The following SLC27A1 variants were observed in gnomAD, a reference collection of about 807,000 sequenced individuals.
SLC27A1 encodes the protein solute carrier family 27 member 1.
SLC27A1 carries 61 observed loss-of-function variants against 62.2 expected under a neutral mutation model. The observed-to-expected ratio is 0.98, with a 90% CI of 0.80 to 1.21. The LOEUF (loss-of-function observed/expected upper bound fraction) is 1.21, where lower values mean the gene tolerates loss of function less well. Ranked by LOEUF, SLC27A1 falls within the 50% of genes most tolerant of loss-of-function variation. The pLI is 0.00. For missense variants in SLC27A1, 903 were observed against 932.1 expected (o/e 0.97, Z 0.41); for synonymous variants, 435 against 408.6 (o/e 1.06, Z -0.78).
In SLC27A1 at chr19:17,497,314, G is replaced by A. The variant is rs760290176; in HGVS notation, c.1056G>A (p.Ala352=). 7 of 1,606,522 alleles carry A rather than the reference G, an allele frequency of 4.4e-6. No homozygotes were observed. The highest frequency in any genetic ancestry group is 5.1e-6 in the Non-Finnish European group (6 of 1,177,730). ...RYLLKQPVRE[A]ERRHRVRLAV... Reference sequence around the variant, plus strand: ...TGCTGAAGCAGCCGGTGCGCGAGGCGGAGAGGCGACACCGCGTGCGCCTGG... The same window carrying A: ...TGCTGAAGCAGCCGGTGCGCGAGGCAGAGAGGCGACACCGCGTGCGCCTGG... The change falls in exon 7 of 12, where the codon GCG becomes GCA. Residue 352 remains alanine (A), a synonymous_variant. Transcript: ENST00000252595.
intron 2 of SLC27A1, 81 bp downstream of exon 2, chr19:17,487,038 C>T (rs753470748): frequency 6.5e-7 from 1 of 1,543,214 alleles, no homozygotes; most frequent in South Asian, 1.2e-5. Context: ...CGCCCCAGGC[C>T]TCGGAAGGCG....
At chr19:17,478,613 T>C (rs192127786) in intron 1 of SLC27A1, among the ~76,000 whole-genome samples, 9 of 151,916 alleles carry the variant, frequency 5.9e-5, no homozygotes, top group African/African-American at 1.9e-4. Flanking sequence ...ATCCCAGCAC[T>C]TTGGGAGTCT....
At position 17,500,480 on chromosome 19, in the gene SLC27A1, T is replaced by C. The variant is rs2075398178; in HGVS notation, c.1334-15T>C. 5 of 1,613,366 alleles carry C rather than the reference T, an allele frequency of 3.1e-6. No homozygotes were observed. In the South Asian group the frequency reaches 4.4e-5, roughly 14 times the overall value. On this transcript the variant is annotated splice_polypyrimidine_tract_variant and intron_variant, in intron 8 of 11. Transcript: ENST00000252595. ...CTGCCTGCCTAGCGCAGCCTGAACA[T>C]GGCCTTCTCCCTAGGGGAGCCTGGC...
intron 1 of SLC27A1, among the ~76,000 whole-genome samples, chr19:17,473,325 C>T (rs1177755484): frequency 6.6e-6 from 1 of 152,180 alleles, no homozygotes; most frequent in Non-Finnish European, 1.5e-5. Context: ...GAGATTTCAC[C>T]CCTTCCTCCT....
chr19:17,488,653 T>C, intron 4 of SLC27A1, 195 bp from the exon 5 acceptor site: 1 of 617,184 alleles, frequency 1.6e-6, no homozygotes, highest in East Asian at 2.8e-5. Flanking sequence ...CTATGCCCCT[T>C]GACCCTATTA....
At chr19:17,482,607 C>T (rs370054978) in intron 1 of SLC27A1, among the ~76,000 whole-genome samples, 11 of 143,320 alleles carry the variant, frequency 7.7e-5, no homozygotes, top group African/African-American at 1.3e-4. Context: ...GCCGAGATAG[C>T]ACCACTGCAC....
At chr19:17,481,472 AC>A (rs558927774) in intron 1 of SLC27A1, among the ~76,000 whole-genome samples, 12 of 151,846 alleles carry the variant, frequency 7.9e-5, no homozygotes, top group Non-Finnish European at 1.6e-4. Context: ...TCATGCCACC[AC>A]ACCTGGCCTC....
chr19:17,493,555 G>T (rs947150874), intron 6 of SLC27A1, among the ~76,000 whole-genome samples: 2 of 151,730 alleles, frequency 1.3e-5, no homozygotes. Flanking sequence ...ACTGCTCACT[G>T]CTATTTTATC....
At chr19:17,500,453 C>T in intron 8 of SLC27A1, 42 bp from the exon 9 acceptor site, 9 of 1,612,130 alleles carry the variant, frequency 5.6e-6, no homozygotes, top group Non-Finnish European at 7.6e-6. Context: ...GGTCCCCACG[C>T]CCTGCCTGCC....
intron 1 of SLC27A1, among the ~76,000 whole-genome samples, chr19:17,479,172 G>A (rs565689807): frequency 3.3e-5 from 5 of 152,248 alleles, no homozygotes; most frequent in Non-Finnish European, 5.9e-5. Context: ...TTGGGAGGCC[G>A]AGGCAGGCGG....
At chr19:17,493,199 C>T (rs1441614997) in intron 6 of SLC27A1, among the ~76,000 whole-genome samples, 2 of 151,382 alleles carry the variant, frequency 1.3e-5, no homozygotes, top group East Asian at 1.9e-4. Flanking sequence ...TTTGGGAAGT[C>T]GAGGCAGGTG....
chr19:17,492,783 C>G (rs1268844737), intron 6 of SLC27A1, among the ~76,000 whole-genome samples: 3 of 151,194 alleles, frequency 2.0e-5, no homozygotes, highest in Admixed American at 6.6e-5. Flanking sequence ...ACTAAAAATA[C>G]AAAAATTAGC....
rs757051150 is a variant in SLC27A1 at position 17,470,642 on chromosome 19, G to A, written c.102G>A (p.Val34=). 2 of 1,581,768 alleles carry A rather than the reference G, an allele frequency of 1.3e-6. No homozygotes were observed. The highest frequency in any genetic ancestry group is 1.8e-5 in the Admixed American group (1 of 56,770). Residue 34 remains valine (V), a synonymous_variant, in exon 1 of 12, where the codon GTG becomes GTA. Transcript: ENST00000252595. The stretch of plus-strand genomic sequence containing the variant: ...GGAGCGCGGCAGCGGCGCTCGGCGT[G>A]TACGTGGGCAGCGGCGGCTGGCGCT... ...WTWSAAAALG[V]YVGSGGWRFL... is the part of the protein sequence containing the mutation.
At chr19:17,477,718 A>G (rs920088821) in intron 1 of SLC27A1, among the ~76,000 whole-genome samples, 2 of 149,980 alleles carry the variant, frequency 1.3e-5, no homozygotes, top group Non-Finnish European at 1.5e-5. Context: ...ATGCCCGGCT[A>G]ATTTTTTTGT....
chr19:17,479,632 G>A (rs1242781379), intron 1 of SLC27A1, among the ~76,000 whole-genome samples: 1 of 118,502 alleles, frequency 8.4e-6, no homozygotes, highest in South Asian at 2.8e-4. Context: ...TTCTATTGTT[G>A]TTTCTTTCTC....
At chr19:17,488,732 C>G (rs2075263147) in intron 4 of SLC27A1, 116 bp from the exon 5 acceptor site, 2 of 832,552 alleles carry the variant, frequency 2.4e-6, no homozygotes. Flanking sequence ...AGCCTGTGAA[C>G]TCATGCGAAC....
At chr19:17,501,218 C>A in intron 10 of SLC27A1, 55 bp from the exon 11 acceptor site, 3 of 1,597,876 alleles carry the variant, frequency 1.9e-6, no homozygotes, top group Non-Finnish European at 2.6e-6. Context: ...GTATCTGGTC[C>A]TGCTGGTGGG....
rs758255427 is a variant in SLC27A1, at chr19:17,497,361, C to T, written c.1103C>T (p.Pro368Leu). 4 of 1,602,852 alleles carry T rather than the reference C, an allele frequency of 2.5e-6. No individual in the cohort carries two copies. The highest frequency in any genetic ancestry group is 1.7e-4 in the Middle Eastern group (1 of 6,000). Residue 368 changes from proline to leucine, a missense_variant, in exon 7 of 12, where the codon CCT (proline) becomes CTT (leucine). By Grantham distance (98) the Pro-to-Leu change is moderately conservative. Transcript: ENST00000252595. ...CTGGCGGTGGGGAACGGGCTGCGTC[C>T]TGCCATCTGGGAGGAGTTCACGGAG... ...VRLAVGNGLR[P>L]AIWEEFTERF...
At chr19:17,502,649 C>G (rs1033950431) in intron 11 of SLC27A1, among the ~76,000 whole-genome samples, 1 of 151,880 alleles carries the variant, frequency 6.6e-6, no homozygotes, top group Non-Finnish European at 1.5e-5. Flanking sequence ...CCACTGCACC[C>G]GGCCTCGGTG....
Sources: allele counts gnomAD v4.1 joint callset (sites outside exome capture counted in the v4.1 genomes callset), GRCh38; gene constraint gnomAD v4.1.1; transcripts MANE v1.5; gene names NCBI Gene and HGNC (gene_info 2026-07-23, HGNC 2026-07-21).